Variants in CLSTN2 observed in about 807,000 individuals in gnomAD.
The protein encoded by CLSTN2 is calsyntenin-2.
A neutral mutation model predicts 101.2 loss-of-function variants in CLSTN2; 48 were observed. The observed-to-expected ratio is 0.47, with a 90% CI of 0.38 to 0.60. CLSTN2 has a LOEUF of 0.60. Ranked by LOEUF, CLSTN2 falls within the 20% of genes least tolerant of loss-of-function variation. CLSTN2 has a pLI of 0.00. For missense variants in CLSTN2, 1,160 were observed against 1,238.2 expected, an observed-to-expected ratio of 0.94 and a Z score of 0.95; for synonymous variants, 481 against 463.6, an observed-to-expected ratio of 1.04 and a Z score of -0.48.
At chr3:140,536,538 G>A (rs1411599294) in intron 9 of CLSTN2, among the ~76,000 whole-genome samples, 1 of 152,102 alleles carries the variant, frequency 6.6e-6, no homozygotes, top group Non-Finnish European at 1.5e-5. Flanking sequence ...TTCACTGATG[G>A]TCAGAAAGGT....
At chr3:140,239,199 A>G (rs1170320930) in intron 2 of CLSTN2, among the ~76,000 whole-genome samples, 5 of 152,162 alleles carry the variant, frequency 3.3e-5, no homozygotes, top group African/African-American at 1.2e-4. Flanking sequence ...GAAAAGCAAA[A>G]TGAGTTAACT....
intron 2 of CLSTN2, among the ~76,000 whole-genome samples, chr3:140,370,043 T>C (rs1311901849): frequency 6.6e-6 from 1 of 152,242 alleles, no homozygotes; most frequent in Non-Finnish European, 1.5e-5. Context: ...GCAAGTTAAC[T>C]TTCACAGAAA....
At chr3:139,995,982 C>T (rs2006644010) in intron 1 of CLSTN2, among the ~76,000 whole-genome samples, 1 of 152,132 alleles carries the variant, frequency 6.6e-6, no homozygotes, top group Non-Finnish European at 1.5e-5. Context: ...CACTTGTGAA[C>T]CTATAGCTCA....
At chr3:140,106,729 G>A (rs946274093) in intron 1 of CLSTN2, among the ~76,000 whole-genome samples, 2 of 152,096 alleles carry the variant, frequency 1.3e-5, no homozygotes, top group Non-Finnish European at 2.9e-5. Context: ...CAGAAGAAAG[G>A]CTGTCTACAA....
At chr3:140,222,530 C>T (rs1309486241) in intron 2 of CLSTN2, among the ~76,000 whole-genome samples, 1 of 152,032 alleles carries the variant, frequency 6.6e-6, no homozygotes, top group Non-Finnish European at 1.5e-5. Flanking sequence ...TCCCATTTTC[C>T]ATGATGTGAT....
chr3:140,204,558 A>G (rs2010756024), intron 2 of CLSTN2, among the ~76,000 whole-genome samples: 1 of 152,060 alleles, frequency 6.6e-6, no homozygotes, highest in Non-Finnish European at 1.5e-5. Context: ...AATTTGGGAA[A>G]AGGCAAATCC....
chr3:140,526,768 C>A (rs1445834207), intron 8 of CLSTN2, among the ~76,000 whole-genome samples: 3 of 151,944 alleles, frequency 2.0e-5, no homozygotes, highest in African/African-American at 7.3e-5. Flanking sequence ...ATACAGAACC[C>A]AGAAATAAAC....
chr3:140,371,637 CAG>C (rs1446440287), intron 2 of CLSTN2, among the ~76,000 whole-genome samples: 2 of 152,174 alleles, frequency 1.3e-5, no homozygotes, highest in African/African-American at 4.8e-5. Flanking sequence ...CACAGAAAGA[CAG>C]AGACGGAAAT....
intron 2 of CLSTN2, among the ~76,000 whole-genome samples, chr3:140,384,221 T>C (rs749315383): frequency 6.6e-6 from 1 of 152,234 alleles, no homozygotes; most frequent in Non-Finnish European, 1.5e-5. Flanking sequence ...TTGGCCATCA[T>C]GGCTCACAGC....
At chr3:140,437,936 C>T (rs1479495461) in intron 5 of CLSTN2, among the ~76,000 whole-genome samples, 1 of 152,044 alleles carries the variant, frequency 6.6e-6, no homozygotes, top group Admixed American at 6.5e-5. Flanking sequence ...AACCTTATGT[C>T]GTATTTATTC....
rs1255006268 is a variant in CLSTN2, at chr3:140,568,122, C to G, written c.*1869C>G. On this transcript the variant is annotated 3_prime_UTR_variant, in exon 17 of 17. Coordinates refer to ENST00000458420, the MANE Select transcript of CLSTN2 (RefSeq NM_022131.3). Reference sequence around the variant, plus strand: ...CAAAAGTATAGACAAGACCAGTCTCCCCAACTTCCACTCCTGGTGCAGGAT... The same window carrying G: ...CAAAAGTATAGACAAGACCAGTCTCGCCAACTTCCACTCCTGGTGCAGGAT... 3.9e-5 allele frequency: 6 copies of G among 152,266 alleles called. No individual in the cohort carries two copies. The East Asian group carries it at 1.2e-3, about 29-fold the overall frequency. The allele number at this position is 152,266 out of a possible 1,614,324, so 9.4% of individuals were successfully genotyped here.
At chr3:140,480,295 A>G (rs1180043777) in intron 8 of CLSTN2, among the ~76,000 whole-genome samples, 2 of 152,172 alleles carry the variant, frequency 1.3e-5, no homozygotes, top group Non-Finnish European at 2.9e-5. Flanking sequence ...TTATGGCTGC[A>G]TAGTATTCCA....
intron 2 of CLSTN2, among the ~76,000 whole-genome samples, chr3:140,237,425 T>G (rs2086427482): frequency 6.6e-6 from 1 of 152,192 alleles, no homozygotes; most frequent in Admixed American, 6.6e-5. Flanking sequence ...CTCATGTGCA[T>G]CTTCTGATCA....
At position 140,419,778 on chromosome 3, in the gene CLSTN2, C is replaced by T. The variant is rs1357285108; in HGVS notation, c.638-1347C>T. ...ATATACGTGTATACACGTGTATACA[C>T]GTATATACACGTATACGTGTATATA... is the stretch of plus-strand genomic sequence containing the variant. On this transcript the variant is annotated intron_variant, in intron 4 of 16. Transcript: ENST00000458420. 7.0e-5 allele frequency among the ~76,000 whole-genome samples: 4 copies of T among 56,744 alleles called. 1 individual carries two copies. The highest frequency in any genetic ancestry group is 5.9e-4 in the Admixed American group (4 of 6,742). The allele number at this position is 56,744 out of a possible 152,430, so 37.2% of individuals were successfully genotyped here.
At chr3:140,471,772 A>C (rs1388269353) in intron 8 of CLSTN2, among the ~76,000 whole-genome samples, 1 of 152,214 alleles carries the variant, frequency 6.6e-6, no homozygotes, top group Non-Finnish European at 1.5e-5. Flanking sequence ...CACATCTATA[A>C]ACTATACAAG....
chr3:140,194,116 A>C (rs897741742), intron 2 of CLSTN2, among the ~76,000 whole-genome samples: 3 of 152,158 alleles, frequency 2.0e-5, no homozygotes, highest in African/African-American at 4.8e-5. Flanking sequence ...TCAATATCTT[A>C]GTCCATTTAG....
At chr3:140,338,854 G>C (rs2087466681) in intron 2 of CLSTN2, among the ~76,000 whole-genome samples, 1 of 152,334 alleles carries the variant, frequency 6.6e-6, no homozygotes, top group South Asian at 2.1e-4. Context: ...AGCCTGGCTA[G>C]CTGCTACCTT....
At chr3:140,076,632 T>TTTG (rs2008496511) in intron 1 of CLSTN2, among the ~76,000 whole-genome samples, 2 of 138,608 alleles carry the variant, frequency 1.4e-5, no homozygotes, top group Non-Finnish European at 3.1e-5. Flanking sequence ...AGTGTTTTTT[T>TTTG]TTTTTTTTTT....
chr3:140,200,347 G>A (rs767509557), intron 2 of CLSTN2, among the ~76,000 whole-genome samples: 3 of 152,106 alleles, frequency 2.0e-5, no homozygotes, highest in Non-Finnish European at 4.4e-5. Flanking sequence ...GGGATTTATG[G>A]ATCCCCTAAG....
Sources: allele counts gnomAD v4.1 joint callset (sites outside exome capture counted in the v4.1 genomes callset), GRCh38; gene constraint gnomAD v4.1.1; transcripts MANE v1.5; gene names NCBI Gene and HGNC (gene_info 2026-07-23, HGNC 2026-07-21).